The following FHIT variants were observed in gnomAD, a reference collection of about 807,000 sequenced individuals.
The protein encoded by FHIT is bis(5'-adenosyl)-triphosphatase.
In FHIT, 19 loss-of-function variants were observed where a neutral mutation model predicts 17.9. The ratio of observed to expected loss-of-function variants is 1.06; its 90% CI spans 0.74 to 1.56. The LOEUF is 1.56. Ranked by LOEUF, FHIT falls within the 40% of genes most tolerant of loss-of-function variation. The pLI is 0.00. For missense variants in FHIT, 248 were observed against 189.2 expected (o/e 1.31, Z -1.82); for synonymous variants, 81 against 69.7 (o/e 1.16, Z -0.81).
At chr3:61,005,696 C>T (rs1003207136) in intron 3 of FHIT, among the ~76,000 whole-genome samples, 3 of 152,094 alleles carry the variant, frequency 2.0e-5, no homozygotes, top group Non-Finnish European at 4.4e-5. Context: ...CTATGAATTT[C>T]GGTTTCCCTG....
At chr3:60,595,408 C>T (rs1475440278) in intron 4 of FHIT, among the ~76,000 whole-genome samples, 1 of 150,474 alleles carries the variant, frequency 6.6e-6, no homozygotes, top group Non-Finnish European at 1.5e-5. Flanking sequence ...CTGTAAATTG[C>T]AGTGAGCCAT....
chr3:60,122,246 T>C (rs1465677074), intron 5 of FHIT, among the ~76,000 whole-genome samples: 2 of 152,176 alleles, frequency 1.3e-5, no homozygotes, highest in Non-Finnish European at 2.9e-5. Flanking sequence ...ATAATGTTTG[T>C]CATTAACAAA....
intron 4 of FHIT, among the ~76,000 whole-genome samples, chr3:60,584,173 T>C (rs1326602571): frequency 6.6e-6 from 1 of 152,082 alleles, no homozygotes; most frequent in South Asian, 2.1e-4. Context: ...GAACTCATTA[T>C]ATTTTTCAGC....
At chr3:60,754,585 C>T (rs1225730297) in intron 4 of FHIT, among the ~76,000 whole-genome samples, 17 of 151,906 alleles carry the variant, frequency 1.1e-4, no homozygotes, top group South Asian at 1.0e-3. Flanking sequence ...GAGCTAAGAT[C>T]GCGCCACTGC....
In FHIT at chr3:60,858,133, T is replaced by C. The variant is rs141165062; in HGVS notation, c.-110-36122A>G. ...GCCTAGCACAGTGCTTGACACATGGTGTGTATGCAATGAACACTTAATGAG... is the reference window on the plus strand; with the variant it reads ...GCCTAGCACAGTGCTTGACACATGGCGTGTATGCAATGAACACTTAATGAG... On this transcript the variant is annotated intron_variant, in intron 3 of 9. Transcript: ENST00000492590. 5.8e-3 allele frequency among the ~76,000 whole-genome samples: 886 copies of C among 152,292 alleles called. 9 individuals carry two copies. Among genetic ancestry groups the C allele is most frequent in the Middle Eastern group, 0.024 (7 of 294 alleles).
At chr3:60,959,743 G>A (rs1709323629) in intron 3 of FHIT, among the ~76,000 whole-genome samples, 1 of 151,722 alleles carries the variant, frequency 6.6e-6, no homozygotes, top group Admixed American at 6.6e-5. Flanking sequence ...AAAAAGGGCA[G>A]TGTAGTTTGC....
intron 8 of FHIT, among the ~76,000 whole-genome samples, chr3:59,763,382 CCTT>C (rs1255664922): frequency 1.3e-5 from 2 of 152,226 alleles, no homozygotes; most frequent in African/African-American, 4.8e-5. Flanking sequence ...GCCACAGAAT[CCTT>C]CTCAACACAA....
At chr3:60,549,906 A>G (rs981382329) in intron 4 of FHIT, among the ~76,000 whole-genome samples, 1 of 152,182 alleles carries the variant, frequency 6.6e-6, no homozygotes, top group African/African-American at 2.4e-5. Flanking sequence ...CTATTTTTAT[A>G]CCCTGGCATT....
At chr3:61,134,822 T>A (rs7609861) in intron 2 of FHIT, among the ~76,000 whole-genome samples, 20,125 of 152,128 alleles carry the variant, frequency 0.13, 1,441 homozygotes, top group East Asian at 0.25. Flanking sequence ...AGTACACAGC[T>A]TGCCTCCAGA....
In FHIT at chr3:60,866,654, T is replaced by C. The variant is rs548958425; in HGVS notation, c.-110-44643A>G. Among the ~76,000 whole-genome samples the C allele has an allele frequency of 3.9e-5, 6 of 152,336 alleles. No individual in the cohort carries two copies. The South Asian group carries it at 1.0e-3, about 26-fold the overall frequency. On this transcript the variant is annotated intron_variant, in intron 3 of 9. Coordinates refer to ENST00000492590, the MANE Select transcript of FHIT (RefSeq NM_002012.4). ...TTTACTGCAGTTTTAAGCAGTTGAG[T>C]TTTGGCATAATTTGTTATGCAGCAA...
At chr3:60,494,760 G>A (rs115759244) in intron 5 of FHIT, among the ~76,000 whole-genome samples, 26 of 152,120 alleles carry the variant, frequency 1.7e-4, no homozygotes, top group South Asian at 6.2e-4. Context: ...ATTTCACTTC[G>A]CAGAATGACC....
At chr3:60,049,991 G>A (rs573739098) in intron 5 of FHIT, among the ~76,000 whole-genome samples, 1 of 152,196 alleles carries the variant, frequency 6.6e-6, no homozygotes, top group South Asian at 2.1e-4. Context: ...CAACTTGGTG[G>A]TTATAGAGCA....
chr3:60,922,529 T>C (rs562203213), intron 3 of FHIT, among the ~76,000 whole-genome samples: 15 of 152,336 alleles, frequency 9.8e-5, no homozygotes, highest in Admixed American at 5.2e-4. Flanking sequence ...GAGAAAGAAA[T>C]TGCCTTTGCA....
At chr3:60,935,675 AC>A (rs369275084) in intron 3 of FHIT, among the ~76,000 whole-genome samples, 41 of 152,336 alleles carry the variant, frequency 2.7e-4, no homozygotes, top group African/African-American at 9.4e-4. Flanking sequence ...ACTCTAAGAA[AC>A]TGTGACCCTA....
intron 4 of FHIT, among the ~76,000 whole-genome samples, chr3:60,626,367 T>C (rs1218535564): frequency 6.6e-6 from 1 of 152,228 alleles, no homozygotes; most frequent in African/African-American, 2.4e-5. Flanking sequence ...AAGTCTTGCC[T>C]TGTATTTAGA....
chr3:60,457,653 A>C (rs886305822), intron 5 of FHIT, among the ~76,000 whole-genome samples: 13 of 152,042 alleles, frequency 8.6e-5, no homozygotes, highest in Non-Finnish European at 1.3e-4. Context: ...CAACCTACAG[A>C]ATGGGAGAAA....
intron 3 of FHIT, among the ~76,000 whole-genome samples, chr3:61,006,213 C>A (rs2031436871): frequency 6.6e-6 from 1 of 152,172 alleles, no homozygotes; most frequent in Non-Finnish European, 1.5e-5. Flanking sequence ...TTTGAACCTT[C>A]TTTTAATATG....
intron 8 of FHIT, among the ~76,000 whole-genome samples, chr3:59,841,100 C>A (rs899646891): frequency 4.6e-5 from 7 of 152,274 alleles, no homozygotes; most frequent in Admixed American, 4.6e-4. Context: ...AGTTGGCTTG[C>A]TACATTCTTG....
In FHIT at chr3:60,173,915, A is replaced by ATATATATATTTTTTTTTT; in HGVS notation, c.104-159764_104-159763insAAAAAAAAAATATATATA. On this transcript the variant is annotated intron_variant, in intron 5 of 9. Coordinates refer to ENST00000492590, the MANE Select transcript of FHIT (RefSeq NM_002012.4). The stretch of plus-strand genomic sequence containing the variant: ...TATATATATATATATATATATATAT[A>ATATATATATTTTTTTTTT]TGTTTTTTTTTTTTTTTGAGATCGA... 2.6e-4 allele frequency among the ~76,000 whole-genome samples: 17 copies of ATATATATATTTTTTTTTT among 66,438 alleles called. 2 individuals carry two copies. The highest frequency in any genetic ancestry group is 4.2e-4 in the Admixed American group (2 of 4,712). 43.6% of individuals were successfully genotyped at this position (66,438 alleles called of 152,430 possible). A position where few individuals can be genotyped will look rare whatever the true frequency, so the allele number is the denominator to read the frequency against.
Sources: allele counts gnomAD v4.1 joint callset (sites outside exome capture counted in the v4.1 genomes callset), GRCh38; gene constraint gnomAD v4.1.1; transcripts MANE v1.5; gene names NCBI Gene and HGNC (gene_info 2026-07-23, HGNC 2026-07-21).